Variants in INPP5D observed in about 807,000 individuals in gnomAD.
The protein encoded by INPP5D is phosphatidylinositol 3,4,5-trisphosphate 5-phosphatase 1.
INPP5D carries 33 observed loss-of-function variants against 122.9 expected under a neutral mutation model. The observed-to-expected ratio is 0.27, with a 90% CI of 0.20 to 0.36. INPP5D has a LOEUF of 0.36. INPP5D is among the 10% of genes least tolerant of loss of function. The pLI is 1.00. For synonymous variants in INPP5D, 584 were observed against 576.2 expected, an observed-to-expected ratio of 1.01 and a Z score of -0.19; for missense variants, 1,053 against 1,412.7, an observed-to-expected ratio of 0.75 and a Z score of 4.08.
rs1052307754 is a variant in INPP5D, at chr2:233,088,139, C to T, written c.198+8741C>T. 3.3e-5 allele frequency among the ~76,000 whole-genome samples: 5 copies of T among 152,122 alleles called. No homozygotes were observed. In the South Asian group the frequency reaches 1.0e-3, roughly 31 times the overall value. The stretch of plus-strand genomic sequence containing the variant: ...TACAGCCATGCACCACCACCCCCGA[C>T]TAATTTTTTGTATTTTTAGTAGAGA... On this transcript the variant is annotated intron_variant, in intron 2 of 26. Coordinates refer to ENST00000445964, the MANE Select transcript of INPP5D (RefSeq NM_001017915.3).
intron 2 of INPP5D, 82 bp downstream of exon 2, chr2:233,079,480 A>T (rs1036032937): frequency 1.1e-6 from 1 of 915,826 alleles, no homozygotes; most frequent in Non-Finnish European, 1.8e-6. Context: ...TGAGGAAGGA[A>T]GTGCACGCGC....
At chr2:233,064,106 G>A (rs1427047564) in intron 1 of INPP5D, among the ~76,000 whole-genome samples, 1 of 152,278 alleles carries the variant, frequency 6.6e-6, no homozygotes, top group African/African-American at 2.4e-5. Flanking sequence ...AAGGCCCAAT[G>A]TCAGTATATA....
chr2:233,194,098 A>C, intron 23 of INPP5D, 137 bp downstream of exon 23: 3 of 1,366,860 alleles, frequency 2.2e-6, no homozygotes, highest in Non-Finnish European at 2.9e-6. Context: ...AAAAGATCTC[A>C]GACAATCTGG....
intron 2 of INPP5D, among the ~76,000 whole-genome samples, chr2:233,091,050 C>T (rs1226675050): frequency 6.6e-6 from 1 of 152,148 alleles, no homozygotes; most frequent in East Asian, 1.9e-4. Flanking sequence ...ACTGCTTTCT[C>T]CCCTGACGAA....
chr2:233,178,000 A>G lies in INPP5D; in HGVS notation c.2071+654A>G, dbSNP rs570816370. ...AAATTCATATGGCTCAAACTAATAC[A>G]TGTCGCAAGTGTGTACACATATATA... On this transcript the variant is annotated intron_variant, in intron 18 of 26. Coordinates refer to ENST00000445964, the MANE Select transcript of INPP5D (RefSeq NM_001017915.3). This position sits in a 1 kb window ranked among gnomAD's most constrained non-coding sequence, Gnocchi z 4.2. Among the ~76,000 whole-genome samples, 1 of 152,350 alleles carries G rather than the reference A, an allele frequency of 6.6e-6. No individual in the cohort carries two copies. The highest frequency in any genetic ancestry group is 2.4e-5 in the African/African-American group (1 of 41,576).
intron 1 of INPP5D, among the ~76,000 whole-genome samples, chr2:233,068,974 C>T (rs1294085913): frequency 1.3e-5 from 2 of 151,234 alleles, no homozygotes; most frequent in African/African-American, 4.9e-5. Flanking sequence ...CATCTGAAGA[C>T]CACTGGGCTC....
At chr2:233,114,942 A>G (rs953501595) in intron 2 of INPP5D, among the ~76,000 whole-genome samples, 7 of 151,346 alleles carry the variant, frequency 4.6e-5, no homozygotes, top group Non-Finnish European at 7.4e-5. Context: ...ATCTCGGCTC[A>G]CCACAACCTC....
intron 25 of INPP5D, among the ~76,000 whole-genome samples, chr2:233,201,677 A>C (rs1488009149): frequency 6.6e-6 from 1 of 152,198 alleles, no homozygotes; most frequent in Non-Finnish European, 1.5e-5. Context: ...TTAGCACTGA[A>C]AGTCCCACAT....
intron 13 of INPP5D, among the ~76,000 whole-genome samples, chr2:233,165,360 G>T (rs964813784): frequency 6.6e-6 from 1 of 151,626 alleles, no homozygotes; most frequent in Non-Finnish European, 1.5e-5. Context: ...GTGAGTGTCT[G>T]TATGTGTGAG....
chr2:233,074,334 C>T (rs1008767383), intron 1 of INPP5D, among the ~76,000 whole-genome samples: 1 of 152,128 alleles, frequency 6.6e-6, no homozygotes, highest in Non-Finnish European at 1.5e-5. Flanking sequence ...AGGAATAGCC[C>T]GCTGGACCCT....
intron 2 of INPP5D, among the ~76,000 whole-genome samples, chr2:233,103,791 C>T (rs1265706507): frequency 6.8e-6 from 1 of 147,924 alleles, no homozygotes; most frequent in Non-Finnish European, 1.5e-5. Context: ...ACTGCAACCT[C>T]TACCTCCCAG....
At chr2:233,205,227 C>T (rs1305650758) in intron 26 of INPP5D, 13 of 151,794 alleles carry the variant, frequency 8.6e-5, no homozygotes, top group Admixed American at 7.2e-4. Flanking sequence ...CGCCTGTAGT[C>T]CCAGCTGCTT....
intron 18 of INPP5D, among the ~76,000 whole-genome samples, chr2:233,179,801 G>A (rs1694738022): frequency 6.6e-6 from 1 of 152,214 alleles, no homozygotes; most frequent in Admixed American, 6.5e-5. Flanking sequence ...CAGGAAACAG[G>A]GGTGACCTGG....
intron 3 of INPP5D, 28 bp from the exon 4 acceptor site, chr2:233,125,717 C>T (rs776447105): frequency 6.3e-7 from 1 of 1,599,540 alleles, no homozygotes; most frequent in East Asian, 2.2e-5. Flanking sequence ...AGTGTCCTCA[C>T]CAATGGCCTT....
intron 2 of INPP5D, among the ~76,000 whole-genome samples, chr2:233,091,577 G>C (rs180724947): frequency 2.2e-4 from 34 of 152,248 alleles, no homozygotes; most frequent in African/African-American, 7.5e-4. Context: ...TCATAATGCC[G>C]TTTCTAGGGC....
At chr2:233,168,269 G>A (rs866099966) in intron 13 of INPP5D, among the ~76,000 whole-genome samples, 36 of 152,166 alleles carry the variant, frequency 2.4e-4, no homozygotes, top group Non-Finnish European at 4.4e-5. Flanking sequence ...TACAGTCTGT[G>A]TTTCTTACCA....
At chr2:233,125,078 C>A (rs1693116782) in intron 3 of INPP5D, among the ~76,000 whole-genome samples, 1 of 152,264 alleles carries the variant, frequency 6.6e-6, no homozygotes, top group African/African-American at 2.4e-5. Flanking sequence ...AGCTCTGGAC[C>A]CTCCATTCGT....
intron 19 of INPP5D, among the ~76,000 whole-genome samples, chr2:233,182,945 A>G (rs2068675914): frequency 6.6e-6 from 1 of 152,194 alleles, no homozygotes; most frequent in South Asian, 2.1e-4. Context: ...GCTACACTTA[A>G]TTTTAAAAAG....
At chr2:233,162,712 A>G (rs1288320705) in intron 11 of INPP5D, among the ~76,000 whole-genome samples, 1 of 152,172 alleles carries the variant, frequency 6.6e-6, no homozygotes, top group Admixed American at 6.5e-5. Flanking sequence ...TCTGGGAGGA[A>G]GAGGGTGAGC....
Sources: gnomAD v4.1 joint callset for allele counts (sites outside exome capture counted in the v4.1 genomes callset) on GRCh38, gnomAD v4.1.1 for gene constraint, Gnocchi (gnomAD v3.1) non-coding constraint, MANE v1.5 for transcripts, NCBI Gene and HGNC (gene_info 2026-07-23, HGNC 2026-07-21) for gene names.